Variants in RHBDD1 observed in about 807,000 individuals in gnomAD.
RHBDD1 encodes rhomboid-related protein 4.
A neutral mutation model predicts 36.3 loss-of-function variants in RHBDD1; 38 were observed. The ratio of observed to expected loss-of-function variants is 1.05; its 90% CI spans 0.81 to 1.37. The LOEUF is 1.37. Among genes scored for constraint, RHBDD1 ranks in the 40% most tolerant of loss-of-function variants. The probability of loss-of-function intolerance (pLI) is 0.00; values close to 1 mark genes in which losing one functional copy is unlikely to be tolerated. For missense variants in RHBDD1, 393 were observed against 377.6 expected, an observed-to-expected ratio of 1.04 and a Z score of -0.34; for synonymous variants, 151 against 136.5, an observed-to-expected ratio of 1.11 and a Z score of -0.74.
intron 5 of RHBDD1, among the ~76,000 whole-genome samples, chr2:226,876,311 G>A (rs1393500905): frequency 6.6e-6 from 1 of 152,122 alleles, no homozygotes; most frequent in Non-Finnish European, 1.5e-5. Context: ...AGAAACTGAA[G>A]GCTAGAACTA....
At chr2:226,917,881 A>G (rs1170664964) in intron 8 of RHBDD1, among the ~76,000 whole-genome samples, 1 of 152,038 alleles carries the variant, frequency 6.6e-6, no homozygotes, top group Non-Finnish European at 1.5e-5. Context: ...ATAATTTTAA[A>G]AAGAAAAGAA....
chr2:226,805,606 G>T, the RHBDD1 span, among the ~76,000 whole-genome samples: 1 of 152,164 alleles, frequency 6.6e-6, no homozygotes, highest in Non-Finnish European at 1.5e-5. Context: ...TGCTGGTTTT[G>T]CCCCCTTCTT....
chr2:226,879,329 T>A (rs1945514918), intron 5 of RHBDD1, among the ~76,000 whole-genome samples: 1 of 152,178 alleles, frequency 6.6e-6, no homozygotes, highest in South Asian at 2.1e-4. Flanking sequence ...AGAATTAGAT[T>A]GCCAGGACTC....
rs533904762 is a variant in RHBDD1, at chr2:226,869,061, G to C, written c.566+1743G>C. ...TCTGCTATTTGAACTTTCATCCTGT[G>C]ATGAATCCATTGAATAACAGTGCGT... is the stretch of plus-strand genomic sequence containing the variant. On this transcript the variant is annotated intron_variant, in intron 5 of 8. Coordinates refer to ENST00000392062, the MANE Select transcript of RHBDD1 (RefSeq NM_001167608.3). 6 of 475,574 alleles carry C rather than the reference G, an allele frequency of 1.3e-5. No homozygotes were observed. In the South Asian group the frequency reaches 5.4e-4, roughly 43 times the overall value. The allele number at this position is 475,574 out of a possible 1,614,324, so 29.5% of individuals were successfully genotyped here. A position where few individuals can be genotyped will look rare whatever the true frequency, so the allele number is the denominator to read the frequency against.
chr2:226,949,791 G>C (rs967734035), intron 8 of RHBDD1, among the ~76,000 whole-genome samples: 1 of 151,956 alleles, frequency 6.6e-6, no homozygotes, highest in East Asian at 1.9e-4. Context: ...CTTGCAGATG[G>C]CCTTTCCCCC....
intron 5 of RHBDD1, among the ~76,000 whole-genome samples, chr2:226,896,888 T>C (rs542418503): frequency 6.6e-6 from 1 of 152,200 alleles, no homozygotes; most frequent in East Asian, 1.9e-4. Context: ...CTACAACCTC[T>C]GTCCCCGGGG....
At chr2:226,906,124 T>C (rs1403135396) in intron 5 of RHBDD1, among the ~76,000 whole-genome samples, 1 of 152,218 alleles carries the variant, frequency 6.6e-6, no homozygotes, top group Non-Finnish European at 1.5e-5. Flanking sequence ...TTACAAGTAA[T>C]TGCTGGTTTT....
At chr2:226,989,464 T>C (rs903448301) in intron 8 of RHBDD1, among the ~76,000 whole-genome samples, 2 of 152,208 alleles carry the variant, frequency 1.3e-5, no homozygotes, top group African/African-American at 4.8e-5. Context: ...TCCTCATATC[T>C]TGATCTGGAT....
At chr2:226,937,999 G>C (rs1299049314) in intron 8 of RHBDD1, among the ~76,000 whole-genome samples, 1 of 152,080 alleles carries the variant, frequency 6.6e-6, no homozygotes, top group Non-Finnish European at 1.5e-5. Context: ...CTGTTTCTAG[G>C]TCTTTGAGGA....
intron 8 of RHBDD1, chr2:226,988,421 C>T: frequency 1.3e-6 from 2 of 1,550,486 alleles, no homozygotes; most frequent in South Asian, 1.2e-5. Context: ...CCTGGGAAGC[C>T]TGAAGCAGGC....
chr2:226,940,445 C>A (rs187668139), intron 8 of RHBDD1, among the ~76,000 whole-genome samples: 1 of 152,000 alleles, frequency 6.6e-6, no homozygotes, highest in South Asian at 2.1e-4. Context: ...TAAAGAGCCA[C>A]GTTGTTAAAA....
At chr2:226,988,253 T>C in intron 8 of RHBDD1, 1 of 1,369,138 alleles carries the variant, frequency 7.3e-7, no homozygotes, top group Non-Finnish European at 9.9e-7. Flanking sequence ...GTAGGACTCA[T>C]ATCAGGGCCC....
At chr2:226,876,807 C>T (rs912785163) in intron 5 of RHBDD1, among the ~76,000 whole-genome samples, 12 of 152,062 alleles carry the variant, frequency 7.9e-5, no homozygotes, top group Admixed American at 3.3e-4. Flanking sequence ...CATTAACATT[C>T]ATAACATAAT....
intron 8 of RHBDD1, among the ~76,000 whole-genome samples, chr2:226,921,470 T>A (rs1949309555): frequency 6.6e-6 from 1 of 152,154 alleles, no homozygotes. Context: ...AGGCGCCTAT[T>A]GCTATAAACT....
the RHBDD1 span, among the ~76,000 whole-genome samples, chr2:226,810,748 A>G: frequency 6.6e-6 from 1 of 152,022 alleles, no homozygotes; most frequent in Non-Finnish European, 1.5e-5. Context: ...AACGTGGATA[A>G]ATGGATCCAT....
At chr2:226,937,369 T>A (rs544393734) in intron 8 of RHBDD1, among the ~76,000 whole-genome samples, 1 of 152,184 alleles carries the variant, frequency 6.6e-6, no homozygotes, top group Non-Finnish European at 1.5e-5. Context: ...AACTCAATAG[T>A]TGATATTTTC....
At chr2:226,906,575 C>A in intron 5 of RHBDD1, 1 of 997,616 alleles carries the variant, frequency 1.0e-6, no homozygotes, top group Non-Finnish European at 1.4e-6. Flanking sequence ...AGGGGTGTTG[C>A]GTTTTAAACA....
chr2:226,946,827 G>A (rs1575200101), intron 8 of RHBDD1, among the ~76,000 whole-genome samples: 1 of 152,122 alleles, frequency 6.6e-6, no homozygotes, highest in South Asian at 2.1e-4. Context: ...CCAATAACAA[G>A]TTCTGAAATG....
chr2:226,910,037 G>T (rs192619730), intron 7 of RHBDD1, among the ~76,000 whole-genome samples: 2 of 152,184 alleles, frequency 1.3e-5, no homozygotes, highest in African/African-American at 2.4e-5. Flanking sequence ...AAACAAGTGG[G>T]TATAGGTGTG....
Sources: allele counts gnomAD v4.1 joint callset (sites outside exome capture counted in the v4.1 genomes callset), GRCh38; gene constraint gnomAD v4.1.1; transcripts MANE v1.5; gene names NCBI Gene and HGNC (gene_info 2026-07-23, HGNC 2026-07-21).